The following SGCD variants were observed in gnomAD, a reference collection of about 807,000 sequenced individuals.
SGCD encodes delta-sarcoglycan.
A neutral mutation model predicts 36.6 loss-of-function variants in SGCD; 18 were observed. The ratio of observed to expected loss-of-function variants is 0.49; its 90% CI spans 0.34 to 0.73. The LOEUF is 0.73. Ranked by LOEUF, SGCD falls within the 30% of genes least tolerant of loss-of-function variation. The pLI, the probability that SGCD is intolerant of heterozygous loss-of-function variation, is 0.01. For missense variants in SGCD, 387 were observed against 346.7 expected, an observed-to-expected ratio of 1.12 and a Z score of -0.92; for synonymous variants, 133 against 130.6, an observed-to-expected ratio of 1.02 and a Z score of -0.12.
chr5:155,888,608 C>T (rs1469158514), intron 1 of SGCD, among the ~76,000 whole-genome samples: 4 of 151,968 alleles, frequency 2.6e-5, no homozygotes, highest in African/African-American at 9.7e-5. Flanking sequence ...AGTATATGAT[C>T]GAATGGTAAT....
At chr5:155,967,556 T>G (rs1400495368) in intron 1 of SGCD, among the ~76,000 whole-genome samples, 2 of 152,026 alleles carry the variant, frequency 1.3e-5, no homozygotes, top group Non-Finnish European at 2.9e-5. Context: ...TCAAGTATGG[T>G]TTCTCCCCCA....
At chr5:155,823,115 T>TATCTA in the SGCD span, among the ~76,000 whole-genome samples, 1 of 151,406 alleles carries the variant, frequency 6.6e-6, no homozygotes, top group South Asian at 2.1e-4. Context: ...TCTATCTATC[T>TATCTA]GGCTAGCTAT....
chr5:156,247,280 G>A (rs954856212), intron 3 of SGCD, among the ~76,000 whole-genome samples: 3 of 152,226 alleles, frequency 2.0e-5, no homozygotes, highest in Middle Eastern at 3.4e-3. Flanking sequence ...AAAGCTTCCC[G>A]TTTTTTGAAA....
chr5:155,965,072 G>A (rs1405514527), intron 1 of SGCD, among the ~76,000 whole-genome samples: 2 of 151,992 alleles, frequency 1.3e-5, no homozygotes, highest in Non-Finnish European at 2.9e-5. Flanking sequence ...CAGAGAATGG[G>A]GCCAGAGTCC....
intron 1 of SGCD, among the ~76,000 whole-genome samples, chr5:155,884,072 CT>C (rs1387882030): frequency 3.9e-5 from 6 of 152,158 alleles, no homozygotes; most frequent in African/African-American, 1.4e-4. Context: ...CACCTCTATT[CT>C]TCTTGGCTTC....
the SGCD span, among the ~76,000 whole-genome samples, chr5:155,857,153 C>A: frequency 6.6e-6 from 1 of 152,172 alleles, no homozygotes; most frequent in Non-Finnish European, 1.5e-5. Flanking sequence ...AGGAGAATTG[C>A]TTGATCCCGG....
chr5:155,750,210 G>T, the SGCD span, among the ~76,000 whole-genome samples: 31 of 152,260 alleles, frequency 2.0e-4, no homozygotes, highest in South Asian at 6.0e-3. Flanking sequence ...TAACAATTTT[G>T]TGTAATCAAA....
intron 1 of SGCD, among the ~76,000 whole-genome samples, chr5:156,068,694 C>T (rs1350679791): frequency 1.3e-5 from 2 of 151,778 alleles, no homozygotes; most frequent in East Asian, 1.9e-4. Context: ...TCAGGAATCG[C>T]CACACTGACT....
chr5:155,944,533 ATAGAG>A (rs1244780150), intron 1 of SGCD, among the ~76,000 whole-genome samples: 3 of 152,214 alleles, frequency 2.0e-5, no homozygotes, highest in Non-Finnish European at 4.4e-5. Context: ...CATCAAAAGT[ATAGAG>A]TTGAGAACAG....
chr5:156,657,632 G>A (rs1490477585), intron 7 of SGCD, among the ~76,000 whole-genome samples: 1 of 151,830 alleles, frequency 6.6e-6, no homozygotes, highest in East Asian at 1.9e-4. Context: ...GTGTGGTGGT[G>A]CATGCCGGTA....
chr5:156,671,657 T>C (rs1753300603), intron 7 of SGCD, among the ~76,000 whole-genome samples: 1 of 152,198 alleles, frequency 6.6e-6, no homozygotes. Flanking sequence ...GGCAGGCTTC[T>C]AGGTAGAAGC....
At chr5:156,031,322 T>C (rs950812785) in intron 1 of SGCD, among the ~76,000 whole-genome samples, 1 of 151,894 alleles carries the variant, frequency 6.6e-6, no homozygotes, top group Non-Finnish European at 1.5e-5. Context: ...AACTTGAAAA[T>C]GAGACAAGAG....
intron 5 of SGCD, among the ~76,000 whole-genome samples, chr5:156,594,605 C>T (rs546062842): frequency 1.3e-5 from 2 of 152,124 alleles, no homozygotes; most frequent in Non-Finnish European, 2.9e-5. Flanking sequence ...AGCAAAAATC[C>T]ACAACTATTT....
intron 3 of SGCD, among the ~76,000 whole-genome samples, chr5:156,416,269 G>T (rs1248507821): frequency 6.6e-6 from 1 of 152,174 alleles, no homozygotes; most frequent in Non-Finnish European, 1.5e-5. Flanking sequence ...CTCAAGAATG[G>T]AAAACCAAAC....
intron 3 of SGCD, among the ~76,000 whole-genome samples, chr5:156,463,861 C>G (rs1449067834): frequency 6.6e-6 from 1 of 151,994 alleles, no homozygotes; most frequent in Non-Finnish European, 1.5e-5. Flanking sequence ...CAGGCATGGA[C>G]AGGAGGATTG....
At chr5:155,815,718 C>T in the SGCD span, among the ~76,000 whole-genome samples, 1 of 152,082 alleles carries the variant, frequency 6.6e-6, no homozygotes, top group Non-Finnish European at 1.5e-5. Context: ...ACAACCAGGT[C>T]TCATGAGAAC....
chr5:155,820,755 C>G, the SGCD span, among the ~76,000 whole-genome samples: 1 of 152,058 alleles, frequency 6.6e-6, no homozygotes, highest in African/African-American at 2.4e-5. Flanking sequence ...GACTTATTAA[C>G]TGCCCTACAG....
chr5:155,896,598 A>C (rs1332182140), intron 1 of SGCD, among the ~76,000 whole-genome samples: 2 of 152,114 alleles, frequency 1.3e-5, no homozygotes, highest in East Asian at 1.9e-4. Flanking sequence ...GTGACTTGTA[A>C]TCATGCCAAT....
At chr5:156,106,883 T>A (rs1349016927) in intron 1 of SGCD, among the ~76,000 whole-genome samples, 1 of 152,186 alleles carries the variant, frequency 6.6e-6, no homozygotes, top group Non-Finnish European at 1.5e-5. Flanking sequence ...ATTATTTTAG[T>A]GTATCCAATA....
Sources: gnomAD v4.1 joint callset for allele counts (sites outside exome capture counted in the v4.1 genomes callset) on GRCh38, gnomAD v4.1.1 for gene constraint, MANE v1.5 for transcripts, NCBI Gene and HGNC (gene_info 2026-07-23, HGNC 2026-07-21) for gene names.